Variants in EYS observed in about 807,000 individuals in gnomAD.
The protein encoded by EYS is EGF-like photoreceptor maintenance factor.
Under a neutral mutation model 282.1 loss-of-function variants are expected in EYS, and 250 were observed. That is an observed-to-expected ratio of 0.89 (90% CI 0.80 to 0.98). The LOEUF is 0.98. EYS is among the 50% of genes least tolerant of loss of function. The pLI is 0.00. For synonymous variants in EYS, 1,355 were observed against 1,282.9 expected (o/e 1.06, Z -1.20); for missense variants, 4,016 against 3,709.0 (o/e 1.08, Z -2.15).
intron 29 of EYS, among the ~76,000 whole-genome samples, chr6:64,377,144 AAATG>A (rs1245438677): frequency 6.6e-6 from 1 of 152,106 alleles, no homozygotes; most frequent in Non-Finnish European, 1.5e-5. Flanking sequence ...TTGGATTAAT[AAATG>A]AATGAATTTC....
chr6:65,241,771 C>T (rs1052201575), intron 12 of EYS, among the ~76,000 whole-genome samples: 1 of 151,936 alleles, frequency 6.6e-6, no homozygotes, highest in Non-Finnish European at 1.5e-5. Flanking sequence ...GATTATCTAA[C>T]CTTGCTTGGA....
At chr6:64,533,075 A>T in intron 26 of EYS, among the ~76,000 whole-genome samples, 1 of 152,220 alleles carries the variant, frequency 6.6e-6, no homozygotes, top group East Asian at 1.9e-4. Flanking sequence ...CATATTAGAA[A>T]TGAAGAATGT....
At chr6:63,782,749 C>T (rs1770265033) in intron 39 of EYS, among the ~76,000 whole-genome samples, 3 of 152,098 alleles carry the variant, frequency 2.0e-5, no homozygotes. Context: ...TCTCTATCTC[C>T]TTCAGTTCTG....
At chr6:64,897,363 T>C (rs1186366175) in intron 18 of EYS, among the ~76,000 whole-genome samples, 3 of 152,180 alleles carry the variant, frequency 2.0e-5, no homozygotes, top group East Asian at 3.9e-4. Flanking sequence ...GAAGAGGGCC[T>C]GACTGTTAGA....
At chr6:64,154,323 C>G (rs1420969183) in intron 31 of EYS, among the ~76,000 whole-genome samples, 1 of 151,616 alleles carries the variant, frequency 6.6e-6, no homozygotes, top group Non-Finnish European at 1.5e-5. Flanking sequence ...GCCTGTAGTC[C>G]CAGCTACTTG....
intron 15 of EYS, among the ~76,000 whole-genome samples, chr6:64,913,016 C>T (rs962858016): frequency 2.0e-5 from 3 of 151,968 alleles, no homozygotes; most frequent in Non-Finnish European, 4.4e-5. Context: ...TGTCAGAGAA[C>T]AACTATTGAC....
intron 28 of EYS, among the ~76,000 whole-genome samples, chr6:64,413,392 T>C (rs1262058144): frequency 1.3e-5 from 2 of 152,130 alleles, no homozygotes; most frequent in Non-Finnish European, 2.9e-5. Context: ...TAAACTCTGT[T>C]TAAGCCCTTT....
At chr6:65,603,658 G>A (rs879193480) in intron 2 of EYS, among the ~76,000 whole-genome samples, 1 of 151,814 alleles carries the variant, frequency 6.6e-6, no homozygotes, top group Admixed American at 6.6e-5. Flanking sequence ...TTAAACTTGA[G>A]CTTTATTATC....
intron 29 of EYS, among the ~76,000 whole-genome samples, chr6:64,315,870 C>G (rs555950513): frequency 6.6e-6 from 1 of 152,004 alleles, no homozygotes; most frequent in Non-Finnish European, 1.5e-5. Flanking sequence ...TTATCTACCA[C>G]GATCAAGTCG....
At chr6:64,319,641 ATGTG>A (rs1241267505) in intron 29 of EYS, among the ~76,000 whole-genome samples, 1 of 151,470 alleles carries the variant, frequency 6.6e-6, no homozygotes. Context: ...ATGTGTGTGC[ATGTG>A]TGTGTGTATG....
intron 1 of EYS, among the ~76,000 whole-genome samples, chr6:65,684,184 G>T (rs1768924976): frequency 6.6e-6 from 1 of 151,958 alleles, no homozygotes; most frequent in African/African-American, 2.4e-5. Context: ...GATAAAACCA[G>T]GATTGAAAAC....
rs550855676 is a variant in EYS at position 65,087,147 on chromosome 6, C to T, written c.2024-29420G>A. On this transcript the variant is annotated intron_variant, in intron 12 of 42. Coordinates refer to ENST00000503581, the MANE Select transcript of EYS (RefSeq NM_001142800.2). ...TATGTGTTATTTTTTAACGCGGTAA[C>T]ATAATATCCAGGTTAGGATGTTTAA... Among the ~76,000 whole-genome samples, 7 of 152,156 alleles carry T rather than the reference C, an allele frequency of 4.6e-5. No homozygotes were observed. The South Asian group carries it at 1.5e-3, about 32-fold the overall frequency.
At chr6:65,057,240 A>T (rs10455185) in intron 13 of EYS, among the ~76,000 whole-genome samples, 11,610 of 152,176 alleles carry the variant, frequency 0.076, 566 homozygotes, top group Middle Eastern at 0.12. Context: ...TAAACAGATG[A>T]TTAGCTTAGA....
At chr6:63,994,527 A>G (rs148014601) in intron 34 of EYS, among the ~76,000 whole-genome samples, 10 of 152,004 alleles carry the variant, frequency 6.6e-5, no homozygotes, top group Middle Eastern at 3.4e-3. Context: ...AGCTTCAGCA[A>G]CATCTTGGAT....
At chr6:64,576,819 T>C (rs530912761) in intron 26 of EYS, among the ~76,000 whole-genome samples, 1 of 152,250 alleles carries the variant, frequency 6.6e-6, no homozygotes, top group South Asian at 2.1e-4. Flanking sequence ...TTTAGTATTG[T>C]AGCTTTTTAA....
chr6:64,154,006 G>C lies in EYS; in HGVS notation c.6425-72004C>G, dbSNP rs183289208. On this transcript the variant is annotated intron_variant, in intron 31 of 42. Transcript: ENST00000503581. ...ATTATCCAAAGATACAGTATGATAG[G>C]ATTATTATAATACTTGAAAATTCCA... 1.3e-4 allele frequency among the ~76,000 whole-genome samples: 20 copies of C among 152,214 alleles called. No homozygotes were observed. The East Asian group carries it at 3.7e-3, about 28-fold the overall frequency.
At chr6:64,018,531 T>G (rs1769004858) in intron 33 of EYS, among the ~76,000 whole-genome samples, 1 of 152,162 alleles carries the variant, frequency 6.6e-6, no homozygotes. Flanking sequence ...TTTTGTGGTG[T>G]CTCAATTGAA....
intron 2 of EYS, among the ~76,000 whole-genome samples, chr6:65,560,255 TATATATA>T (rs1171269051): frequency 8.3e-5 from 12 of 145,006 alleles, no homozygotes; most frequent in Non-Finnish European, 1.8e-4. Flanking sequence ...ATACAATTAT[TATATATA>T]ATATATAACA....
chr6:65,265,978 C>A (rs1055733486), intron 12 of EYS, among the ~76,000 whole-genome samples: 3 of 151,670 alleles, frequency 2.0e-5, no homozygotes, highest in Admixed American at 2.0e-4. Flanking sequence ...ATTTTTTCAT[C>A]TATTTCTTTA....
Sources: allele counts gnomAD v4.1 joint callset (sites outside exome capture counted in the v4.1 genomes callset), GRCh38; gene constraint gnomAD v4.1.1; transcripts MANE v1.5; gene names NCBI Gene and HGNC (gene_info 2026-07-23, HGNC 2026-07-21).